The following PHACTR1 variants were observed in gnomAD, a reference collection of about 807,000 sequenced individuals.
The protein encoded by PHACTR1 is RPEL repeat containing 1.
PHACTR1 carries 16 observed loss-of-function variants against 69.2 expected under a neutral mutation model. The ratio of observed to expected loss-of-function variants is 0.23; its 90% CI spans 0.16 to 0.35. PHACTR1 has a LOEUF of 0.35. PHACTR1 is among the 10% of genes least tolerant of loss of function. The pLI is 1.00. For synonymous variants in PHACTR1, 312 were observed against 284.5 expected, an observed-to-expected ratio of 1.10 and a Z score of -0.97; for missense variants, 510 against 734.7, an observed-to-expected ratio of 0.69 and a Z score of 3.54.
At chr6:12,807,642 C>T (rs1007889687) in intron 4 of PHACTR1, among the ~76,000 whole-genome samples, 6 of 152,162 alleles carry the variant, frequency 3.9e-5, no homozygotes, top group African/African-American at 1.4e-4. Context: ...GAACTCTGAT[C>T]GACACTCTCA....
chr6:13,235,897 C>T (rs753928089), intron 10 of PHACTR1, among the ~76,000 whole-genome samples: 1 of 152,058 alleles, frequency 6.6e-6, no homozygotes, highest in Non-Finnish European at 1.5e-5. Context: ...TTGTTTGGAC[C>T]AGATGAAAGA....
intron 4 of PHACTR1, among the ~76,000 whole-genome samples, chr6:12,942,935 A>G (rs1790200988): frequency 6.6e-6 from 1 of 152,224 alleles, no homozygotes; most frequent in South Asian, 2.1e-4. Context: ...AATCCTGGTA[A>G]TATTCAATAG....
chr6:12,864,412 G>A (rs1781244092), intron 4 of PHACTR1, among the ~76,000 whole-genome samples: 1 of 152,226 alleles, frequency 6.6e-6, no homozygotes, highest in South Asian at 2.1e-4. Context: ...CGGGCGCCCT[G>A]GCTCACGCCT....
At chr6:12,817,306 C>T (rs1010111119) in intron 4 of PHACTR1, among the ~76,000 whole-genome samples, 1 of 152,122 alleles carries the variant, frequency 6.6e-6, no homozygotes, top group Admixed American at 6.5e-5. Context: ...TTTCTGGTAA[C>T]TTTTACTCCT....
chr6:12,892,901 G>C (rs1784297553), intron 4 of PHACTR1, among the ~76,000 whole-genome samples: 2 of 152,104 alleles, frequency 1.3e-5, no homozygotes, highest in Non-Finnish European at 2.9e-5. Flanking sequence ...TTTGGCATTG[G>C]GGCAGTGGGG....
intron 4 of PHACTR1, among the ~76,000 whole-genome samples, chr6:12,758,801 A>G (rs1767675301): frequency 6.6e-6 from 1 of 152,152 alleles, no homozygotes; most frequent in South Asian, 2.1e-4. Context: ...AGATGGAACT[A>G]GGAATGTATC....
At chr6:13,255,874 T>C (rs1775118529) in intron 10 of PHACTR1, among the ~76,000 whole-genome samples, 1 of 152,216 alleles carries the variant, frequency 6.6e-6, no homozygotes, top group Non-Finnish European at 1.5e-5. Flanking sequence ...GGGTGCAAGC[T>C]GCCAGTGGAT....
chr6:13,043,066 T>C (rs182990623), intron 4 of PHACTR1, among the ~76,000 whole-genome samples: 40 of 152,350 alleles, frequency 2.6e-4, no homozygotes, highest in Admixed American at 1.0e-3. Context: ...GGTTTCAGTT[T>C]CATTGAGTCA....
intron 3 of PHACTR1, among the ~76,000 whole-genome samples, chr6:12,745,917 T>G (rs748481342): frequency 3.3e-5 from 5 of 152,132 alleles, no homozygotes; most frequent in Non-Finnish European, 7.3e-5. Flanking sequence ...GCACCCACCA[T>G]CTTGATGCCT....
At chr6:13,072,155 A>G (rs1809631250) in intron 5 of PHACTR1, among the ~76,000 whole-genome samples, 1 of 152,196 alleles carries the variant, frequency 6.6e-6, no homozygotes, top group Non-Finnish European at 1.5e-5. Flanking sequence ...GATATTTACA[A>G]GGATACTCAT....
chr6:12,791,685 G>A (rs1772293534), intron 4 of PHACTR1, among the ~76,000 whole-genome samples: 1 of 152,224 alleles, frequency 6.6e-6, no homozygotes, highest in Non-Finnish European at 1.5e-5. Flanking sequence ...TTATTCAGAA[G>A]ATTATATGAG....
At chr6:13,165,817 C>G (rs971934228) in intron 6 of PHACTR1, among the ~76,000 whole-genome samples, 8 of 152,092 alleles carry the variant, frequency 5.3e-5, no homozygotes, top group African/African-American at 1.7e-4. Context: ...TTCATGAGCC[C>G]TTAAGTTCTT....
intron 4 of PHACTR1, among the ~76,000 whole-genome samples, chr6:12,910,170 T>C (rs1295296950): frequency 1.3e-5 from 2 of 152,044 alleles, no homozygotes; most frequent in Admixed American, 1.3e-4. Context: ...AGTAGGCAGG[T>C]TTTCTGCTGC....
chr6:12,932,487 T>C (rs989811123), intron 4 of PHACTR1, among the ~76,000 whole-genome samples: 4 of 152,190 alleles, frequency 2.6e-5, no homozygotes, highest in African/African-American at 9.7e-5. Flanking sequence ...ATAACCAAAC[T>C]CCTTCTATTT....
chr6:13,214,844 G>C (rs1767426934), intron 8 of PHACTR1, among the ~76,000 whole-genome samples: 1 of 152,118 alleles, frequency 6.6e-6, no homozygotes, highest in Admixed American at 6.5e-5. Context: ...AATATCAATA[G>C]ATATTTTTAA....
intron 4 of PHACTR1, among the ~76,000 whole-genome samples, chr6:13,051,062 C>T (rs1205463036): frequency 2.6e-5 from 4 of 152,230 alleles, no homozygotes; most frequent in East Asian, 1.9e-4. Flanking sequence ...CAAAGATATT[C>T]CTAAGAAACA....
intron 4 of PHACTR1, among the ~76,000 whole-genome samples, chr6:13,024,887 G>T (rs1048736824): frequency 6.6e-6 from 1 of 152,172 alleles, no homozygotes; most frequent in African/African-American, 2.4e-5. Flanking sequence ...GATTCCTGTG[G>T]TAAGACACTA....
chr6:13,287,328 G>T lies in PHACTR1; in HGVS notation c.*250G>T. The T allele has an allele frequency of 1.9e-6, 1 of 538,090 alleles. No homozygotes were observed. Among genetic ancestry groups the T allele is most frequent in the East Asian group, 3.3e-5 (1 of 30,078 alleles). The allele number at this position is 538,090 out of a possible 1,614,324, so 33.3% of individuals were successfully genotyped here. ...GCATCCCAACCCCCGGCAGTGCCAA[G>T]GGCACCAGCAGGGCCCTGACTGAAG... On this transcript the variant is annotated 3_prime_UTR_variant, in exon 15 of 15. Transcript: ENST00000332995.
chr6:13,217,782 A>G (rs1195246778), intron 8 of PHACTR1, among the ~76,000 whole-genome samples: 2 of 152,272 alleles, frequency 1.3e-5, no homozygotes. Context: ...GATAAACCAC[A>G]CAATGTATGC....
Sources: allele counts gnomAD v4.1 joint callset (sites outside exome capture counted in the v4.1 genomes callset), GRCh38; gene constraint gnomAD v4.1.1; transcripts MANE v1.5; gene names NCBI Gene and HGNC (gene_info 2026-07-23, HGNC 2026-07-21).